The following HRH1 variants were observed in gnomAD, a reference collection of about 807,000 sequenced individuals.
HRH1 encodes histamine receptor H1, also known as histamine H1 receptor.
HRH1 carries 6 observed loss-of-function variants against 10.3 expected under a neutral mutation model. The observed-to-expected ratio is 0.58, with a 90% CI of 0.32 to 1.15. HRH1 has a LOEUF of 1.15. Ranked by LOEUF, HRH1 falls within the 50% of genes most tolerant of loss-of-function variation. The probability of loss-of-function intolerance (pLI) is 0.05; values close to 1 mark genes in which losing one functional copy is unlikely to be tolerated. For synonymous variants in HRH1, 242 were observed against 236.7 expected, an observed-to-expected ratio of 1.02 and a Z score of -0.21; for missense variants, 514 against 615.3, an observed-to-expected ratio of 0.84 and a Z score of 1.74.
chr3:11,158,191 G>A (rs965666756), intron 1 of HRH1, among the ~76,000 whole-genome samples: 3 of 152,212 alleles, frequency 2.0e-5, no homozygotes, highest in African/African-American at 7.2e-5. Flanking sequence ...ATTCAGCAAT[G>A]CCCTTGATGA....
chr3:11,162,589 A>G lies in HRH1; in HGVS notation c.-36+8035A>G, dbSNP rs141943587. ...TATTCATGTGCCCATTTTATAGATGAGACAACTGAGGCTAGAGACATGGAG... is the reference window on the plus strand; with the variant it reads ...TATTCATGTGCCCATTTTATAGATGGGACAACTGAGGCTAGAGACATGGAG... On this transcript the variant is annotated intron_variant, in intron 1 of 1. Transcript: ENST00000431010. Among the ~76,000 whole-genome samples the G allele has an allele frequency of 1.1e-3, 171 of 152,052 alleles. 1 individual carries two copies. Among genetic ancestry groups the G allele is most frequent in the African/African-American group, 3.9e-3 (163 of 41,424 alleles).
chr3:11,141,915 T>G (rs937778326), intron 1 of HRH1, among the ~76,000 whole-genome samples: 1 of 152,216 alleles, frequency 6.6e-6, no homozygotes, highest in Non-Finnish European at 1.5e-5. Flanking sequence ...AATTCATGTC[T>G]GCCTAGCTCC....
At chr3:11,172,850 C>T (rs1937180069) in intron 1 of HRH1, among the ~76,000 whole-genome samples, 2 of 151,944 alleles carry the variant, frequency 1.3e-5, no homozygotes, top group Non-Finnish European at 2.9e-5. Flanking sequence ...TACAGGTGCC[C>T]GCCTCCACGC....
chr3:11,139,683 A>G (rs73010370), intron 1 of HRH1, among the ~76,000 whole-genome samples: 13,381 of 152,274 alleles, frequency 0.088, 634 homozygotes, highest in Non-Finnish European at 0.11. Flanking sequence ...AGCCATAAAA[A>G]GGAATGAAGT....
intron 1 of HRH1, among the ~76,000 whole-genome samples, chr3:11,201,404 G>A (rs565478822): frequency 1.6e-4 from 24 of 152,176 alleles, no homozygotes; most frequent in Non-Finnish European, 3.5e-4. Flanking sequence ...ATTATGGGAT[G>A]GTGAGTAATG....
In HRH1 at chr3:11,259,336, G is replaced by T; in HGVS notation, c.299G>T (p.Cys100Phe). The T allele has an allele frequency of 6.2e-7, 1 of 1,613,550 alleles. No individual in the cohort carries two copies. Among genetic ancestry groups the T allele is most frequent in the South Asian group, 1.1e-5 (1 of 91,064 alleles). The change falls in exon 2 of 2, where the codon TGC becomes TTC. Residue 100 changes from cysteine to phenylalanine, a missense_variant. Coordinates refer to ENST00000431010, the MANE Select transcript of HRH1 (RefSeq NM_001098212.2). This position sits in a 1 kb window ranked among gnomAD's most constrained non-coding sequence, Gnocchi z 4.6. Reference protein sequence around the residue: ...MSKWSLGRPLCLFWLSMDYVA... With the variant: ...MSKWSLGRPLFLFWLSMDYVA... ...AAGTGGTCACTGGGCCGTCCTCTCTGCCTCTTTTGGCTTTCCATGGACTAT... is the reference window on the plus strand; with the variant it reads ...AAGTGGTCACTGGGCCGTCCTCTCTTCCTCTTTTGGCTTTCCATGGACTAT...
At chr3:11,155,495 G>A (rs1000603665) in intron 1 of HRH1, among the ~76,000 whole-genome samples, 5 of 152,088 alleles carry the variant, frequency 3.3e-5, no homozygotes, top group Non-Finnish European at 7.4e-5. Context: ...CCTCCATGAA[G>A]ATCCCACCTC....
intron 1 of HRH1, among the ~76,000 whole-genome samples, chr3:11,226,780 A>G (rs1938893840): frequency 6.6e-6 from 1 of 151,762 alleles, no homozygotes; most frequent in African/African-American, 2.4e-5. Context: ...CCAGCTACTC[A>G]GGAGGCTGAG....
chr3:11,157,063 G>A (rs570741282), intron 1 of HRH1, among the ~76,000 whole-genome samples: 2 of 152,232 alleles, frequency 1.3e-5, no homozygotes, highest in African/African-American at 2.4e-5. Context: ...GCTACGCAGT[G>A]CAGCTTGAAC....
chr3:11,251,603 T>C (rs1454007066), intron 1 of HRH1, among the ~76,000 whole-genome samples: 1 of 152,180 alleles, frequency 6.6e-6, no homozygotes, highest in Non-Finnish European at 1.5e-5. Context: ...GGAGTTTATC[T>C]AAACATCTAT....
At chr3:11,243,153 A>G (rs550434838) in intron 1 of HRH1, among the ~76,000 whole-genome samples, 34 of 152,268 alleles carry the variant, frequency 2.2e-4, no homozygotes, top group Admixed American at 1.2e-3. Context: ...ACCTCAGGCA[A>G]TCCACCTGCT....
chr3:11,254,131 G>C (rs897047833), intron 1 of HRH1, among the ~76,000 whole-genome samples: 16 of 152,046 alleles, frequency 1.1e-4, no homozygotes, highest in African/African-American at 3.9e-4. Flanking sequence ...TGTCTTACTT[G>C]CTGTATTTCC....
intron 1 of HRH1, among the ~76,000 whole-genome samples, chr3:11,159,411 C>A (rs911188361): frequency 6.6e-6 from 1 of 152,102 alleles, no homozygotes; most frequent in Non-Finnish European, 1.5e-5. Context: ...CTGAGTGTTT[C>A]TTTTCTTTTT....
chr3:11,149,313 C>T (rs1936545936), intron 1 of HRH1, among the ~76,000 whole-genome samples: 1 of 152,204 alleles, frequency 6.6e-6, no homozygotes, highest in African/African-American at 2.4e-5. Context: ...AACATATATA[C>T]ATGCTTTGCA....
intron 1 of HRH1, among the ~76,000 whole-genome samples, chr3:11,192,610 A>T (rs1559265456): frequency 6.6e-6 from 1 of 152,170 alleles, no homozygotes; most frequent in Non-Finnish European, 1.5e-5. Context: ...TTGTTCAATA[A>T]GAGTAATCAC....
At position 11,261,381 on chromosome 3, in the gene HRH1, A is replaced by C. The variant is rs1001242691; in HGVS notation, c.*880A>C. 2 of 167,122 alleles carry C rather than the reference A, an allele frequency of 1.2e-5. No individual in the cohort carries two copies. The highest frequency in any genetic ancestry group is 4.8e-5 in the African/African-American group (2 of 41,460). The allele number at this position is 167,122 out of a possible 1,614,324, so 10.4% of individuals were successfully genotyped here. ...TCTCATTTAAGCCCCACAACACCCC[A>C]CAGGAGGGTAATTTTCTAACTCTAG... is the stretch of plus-strand genomic sequence containing the variant. On this transcript the variant is annotated 3_prime_UTR_variant, in exon 2 of 2. Transcript: ENST00000431010.
At chr3:11,248,806 A>G (rs1939557624) in intron 1 of HRH1, among the ~76,000 whole-genome samples, 1 of 152,222 alleles carries the variant, frequency 6.6e-6, no homozygotes, top group South Asian at 2.1e-4. Context: ...AGAATCTTGC[A>G]TGACTCATTA....
In HRH1 at chr3:11,228,809, G is replaced by C. The variant is rs1378302937; in HGVS notation, c.-35-30194G>C. On this transcript the variant is annotated intron_variant, in intron 1 of 1. Coordinates refer to ENST00000431010, the MANE Select transcript of HRH1 (RefSeq NM_001098212.2). ...CGTGCCTGTTGTCCCAGCTACTCGG[G>C]AGGCTGCGACAGGAGAATCGCTTGA... Among the ~76,000 whole-genome samples, 5 of 151,980 alleles carry C rather than the reference G, an allele frequency of 3.3e-5. No homozygotes were observed. In the East Asian group the frequency reaches 9.7e-4, roughly 29 times the overall value.
chr3:11,248,924 C>T (rs909625530), intron 1 of HRH1, among the ~76,000 whole-genome samples: 2 of 152,198 alleles, frequency 1.3e-5, no homozygotes, highest in Non-Finnish European at 2.9e-5. Context: ...GCCTACCTGT[C>T]GCACAAGCCT....
Sources: allele counts gnomAD v4.1 joint callset (sites outside exome capture counted in the v4.1 genomes callset), GRCh38; gene constraint gnomAD v4.1.1; non-coding constraint Gnocchi (gnomAD v3.1); transcripts MANE v1.5; gene names NCBI Gene and HGNC (gene_info 2026-07-23, HGNC 2026-07-21).